The following PHACTR4 variants were observed in gnomAD, a reference collection of about 807,000 sequenced individuals.
The protein encoded by PHACTR4 is phosphatase and actin regulator 4, also known as protein phosphatase 1, regulatory subunit 124.
Under a neutral mutation model 72.7 loss-of-function variants are expected in PHACTR4, and 51 were observed. The observed-to-expected ratio is 0.70, with a 90% CI of 0.56 to 0.89. The LOEUF (loss-of-function observed/expected upper bound fraction) is 0.89, where lower values mean the gene tolerates loss of function less well. PHACTR4 is among the 40% of genes least tolerant of loss of function. The pLI is 0.00. For missense variants in PHACTR4, 731 were observed against 861.8 expected, an observed-to-expected ratio of 0.85 and a Z score of 1.90; for synonymous variants, 255 against 302.5, an observed-to-expected ratio of 0.84 and a Z score of 1.63.
At chr1:28,406,084 GTTTAA>G (rs1315833237) in intron 1 of PHACTR4, among the ~76,000 whole-genome samples, 4 of 152,066 alleles carry the variant, frequency 2.6e-5, no homozygotes, top group African/African-American at 9.7e-5. Flanking sequence ...GTTAATTTGA[GTTTAA>G]TTTAATTGTT....
chr1:28,474,136 T>C lies in PHACTR4; in HGVS notation c.1406T>C (p.Ile469Thr). 1 of 1,611,104 alleles carries C rather than the reference T, an allele frequency of 6.2e-7. No individual in the cohort carries two copies. Among genetic ancestry groups the C allele is most frequent in the African/African-American group, 1.3e-5 (1 of 74,814 alleles). ...CGGACCAGGTCTCTTCCCATCACTA[T>C]TGAAATGCTAAAAGTGTAAGTGCCT... is the stretch of plus-strand genomic sequence containing the variant. ...LGRTRSLPIT[I>T]EMLKVPDDEE... Residue 469 changes from isoleucine (I) to threonine (T), a missense_variant, in exon 7 of 14, where the codon ATT becomes ACT. Physicochemically the swap from Ile to Thr is moderately conservative, Grantham distance 89. This residue lies in a region of PHACTR4 where 621 missense variants were observed against 676.6 expected (regional missense o/e 0.92). Coordinates refer to ENST00000373839, the MANE Select transcript of PHACTR4 (RefSeq NM_001048183.3).
intron 2 of PHACTR4, among the ~76,000 whole-genome samples, chr1:28,408,795 C>T (rs1386925924): frequency 2.0e-5 from 3 of 151,282 alleles, no homozygotes; most frequent in African/African-American, 7.3e-5. Flanking sequence ...TTCAACTCAG[C>T]CTCCTGAGTA....
intron 1 of PHACTR4, among the ~76,000 whole-genome samples, chr1:28,397,843 G>A (rs746721039): frequency 1.1e-4 from 17 of 151,698 alleles, no homozygotes; most frequent in East Asian, 1.9e-4. Context: ...CTACAGGTGC[G>A]TGCCACCATG....
Position 28,473,695 on chromosome 1 carries a change from A to C in PHACTR4, c.965A>C (p.Glu322Ala). Residue 322 changes from glutamate (E) to alanine (A), a missense_variant, in exon 7 of 14, where the codon GAA becomes GCA. By Grantham distance (107) the Glu-to-Ala change is moderately radical. Around this residue, in one of 2 missense-constraint regions of PHACTR4, gnomAD observed 621 missense variants for 676.6 expected, o/e 0.92. Transcript: ENST00000373839. ...ATCACCACAAAAACACCAAGTGATGAAAGAGAGAAGAGCACGTGTTCTATG... is the reference window on the plus strand; with the variant it reads ...ATCACCACAAAAACACCAAGTGATGCAAGAGAGAAGAGCACGTGTTCTATG... The part of the protein sequence containing the change: ...AAITTKTPSD[E>A]REKSTCSMGS... 1 of 1,614,134 alleles carries C rather than the reference A, an allele frequency of 6.2e-7. No individual in the cohort carries two copies. The highest frequency in any genetic ancestry group is 8.5e-7 in the Non-Finnish European group (1 of 1,180,028).
At chr1:28,423,950 A>G (rs557592730) in intron 2 of PHACTR4, among the ~76,000 whole-genome samples, 1 of 152,188 alleles carries the variant, frequency 6.6e-6, no homozygotes, top group African/African-American at 2.4e-5. Context: ...TTCACACATA[A>G]CAGAGTAGAT....
At chr1:28,427,889 T>A (rs1655974991) in intron 2 of PHACTR4, among the ~76,000 whole-genome samples, 1 of 152,240 alleles carries the variant, frequency 6.6e-6, no homozygotes, top group Non-Finnish European at 1.5e-5. Flanking sequence ...ATAATTATAA[T>A]CTAATTCATT....
chr1:28,480,563 G>T lies in PHACTR4; in HGVS notation c.1719G>T (p.Glu573Asp). 1.2e-6 allele frequency: 2 copies of T among 1,614,220 alleles called. No individual in the cohort carries two copies. Among genetic ancestry groups the T allele is most frequent in the Non-Finnish European group, 8.5e-7 (1 of 1,180,042 alleles). ...LNSWPCKSKE[E>D]WNEIRHQIGN... ...CTTGGCCTTGTAAAAGCAAGGAGGA[G>T]TGGAATGAAATACGGCACCAGATTG... The change falls in exon 9 of 14, where the codon GAG becomes GAT. Residue 573 changes from glutamate to aspartate, a missense_variant. Around this residue, in one of 2 missense-constraint regions of PHACTR4, gnomAD observed 110 missense variants for 185.2 expected, o/e 0.59. Coordinates refer to ENST00000373839, the MANE Select transcript of PHACTR4 (RefSeq NM_001048183.3).
chr1:28,457,737 C>A, intron 2 of PHACTR4: 1 of 693,800 alleles, frequency 1.4e-6, no homozygotes, highest in Non-Finnish European at 1.8e-6. Context: ...GTTAGCTTAT[C>A]ATATGCTGTT....
chr1:28,410,975 G>A (rs958532724), intron 2 of PHACTR4, among the ~76,000 whole-genome samples: 4 of 149,988 alleles, frequency 2.7e-5, no homozygotes, highest in South Asian at 2.1e-4. Context: ...CCAAAGTGGC[G>A]GGAATTGCAG....
intron 1 of PHACTR4, among the ~76,000 whole-genome samples, chr1:28,385,815 A>G (rs1652522802): frequency 1.3e-5 from 2 of 151,510 alleles, no homozygotes; most frequent in Admixed American, 6.6e-5. Flanking sequence ...GGGTTTCAGC[A>G]TGTTAGCCAG....
At chr1:28,451,324 A>G (rs1031619853) in intron 2 of PHACTR4, among the ~76,000 whole-genome samples, 4 of 151,238 alleles carry the variant, frequency 2.6e-5, no homozygotes, top group Admixed American at 6.6e-5. Flanking sequence ...AAGCATTGCA[A>G]TTGAATCCTC....
At chr1:28,453,655 CA>C in intron 2 of PHACTR4, 5 of 1,298,440 alleles carry the variant, frequency 3.9e-6, no homozygotes, top group Admixed American at 1.8e-5. Flanking sequence ...TTCTAACATC[CA>C]AAAATCAGAT....
chr1:28,451,718 A>G (rs1657986939), intron 2 of PHACTR4, among the ~76,000 whole-genome samples: 1 of 152,098 alleles, frequency 6.6e-6, no homozygotes, highest in Non-Finnish European at 1.5e-5. Flanking sequence ...ATCACAGCTC[A>G]CTACAGCCTC....
intron 2 of PHACTR4, 47 bp from the exon 3 acceptor site, chr1:28,459,038 T>G: frequency 6.6e-7 from 1 of 1,519,786 alleles, no homozygotes; most frequent in Non-Finnish European, 9.0e-7. Flanking sequence ...GAGATTATGC[T>G]GAAATAATAC....
intron 2 of PHACTR4, among the ~76,000 whole-genome samples, chr1:28,434,058 G>C (rs1656471978): frequency 6.6e-6 from 1 of 151,760 alleles, no homozygotes; most frequent in Non-Finnish European, 1.5e-5. Flanking sequence ...GATTACAGGC[G>C]TGAGCCACTG....
chr1:28,401,268 TTG>T, intron 1 of PHACTR4, among the ~76,000 whole-genome samples: 1 of 151,838 alleles, frequency 6.6e-6, no homozygotes, highest in African/African-American at 2.4e-5. Flanking sequence ...GCTGAGATAC[TTG>T]GCTACAACAG....
At chr1:28,400,415 A>G (rs970247420) in intron 1 of PHACTR4, among the ~76,000 whole-genome samples, 2 of 151,408 alleles carry the variant, frequency 1.3e-5, no homozygotes, top group Non-Finnish European at 2.9e-5. Flanking sequence ...AGTTAATTTC[A>G]GATGTAATAA....
chr1:28,484,966 G>A (rs6658242), intron 9 of PHACTR4, among the ~76,000 whole-genome samples: 5,198 of 151,888 alleles, frequency 0.034, 280 homozygotes, highest in African/African-American at 0.12. Flanking sequence ...AAGAAACTCC[G>A]TTTCAAAAGA....
In PHACTR4 at chr1:28,466,774, T is replaced by A; in HGVS notation, c.823+6T>A. On this transcript the variant is annotated splice_donor_region_variant and intron_variant, in intron 6 of 13. Transcript: ENST00000373839. ...AAATAGCAACCCTGTCATTGGTAAG[T>A]AAGTCTTTAGGCTTCCAGTGTTTTG... 1 of 1,606,266 alleles carries A rather than the reference T, an allele frequency of 6.2e-7. No individual in the cohort carries two copies. Among genetic ancestry groups the A allele is most frequent in the Non-Finnish European group, 8.5e-7 (1 of 1,174,968 alleles).
Sources: gnomAD v4.1 joint callset for allele counts (sites outside exome capture counted in the v4.1 genomes callset) on GRCh38, gnomAD v4.1.1 for gene constraint, gnomAD v4.1.1 regional missense constraint, MANE v1.5 for transcripts, NCBI Gene and HGNC (gene_info 2026-07-23, HGNC 2026-07-21) for gene names.